GRIN3A: variants seen among roughly 807,000 people sequenced by gnomAD.
The protein encoded by GRIN3A is glutamate ionotropic receptor NMDA type subunit 3A, also known as glutamate receptor ionotropic, NMDA 3A.
In GRIN3A, 47 loss-of-function variants were observed where a neutral mutation model predicts 92.4. The observed-to-expected ratio is 0.51, with a 90% CI of 0.40 to 0.65. The LOEUF (loss-of-function observed/expected upper bound fraction) is 0.65, where lower values mean the gene tolerates loss of function less well. Ranked by LOEUF, GRIN3A falls within the 30% of genes least tolerant of loss-of-function variation. The probability of loss-of-function intolerance (pLI) is 0.00; values close to 1 mark genes in which losing one functional copy is unlikely to be tolerated. For synonymous variants in GRIN3A, 527 were observed against 540.6 expected (o/e 0.97, Z 0.35); for missense variants, 1,324 against 1,393.1 (o/e 0.95, Z 0.79).
chr9:101,595,766 C>T (rs1828118748), intron 6 of GRIN3A, among the ~76,000 whole-genome samples: 1 of 152,196 alleles, frequency 6.6e-6, no homozygotes, highest in African/African-American at 2.4e-5. Context: ...TTACTCTGTT[C>T]CCTCTTATCC....
intron 6 of GRIN3A, among the ~76,000 whole-genome samples, chr9:101,599,482 G>C (rs1828183423): frequency 6.6e-6 from 1 of 152,064 alleles, no homozygotes; most frequent in South Asian, 2.1e-4. Context: ...GATTTTCTCT[G>C]TAAATGATTC....
chr9:101,572,634 CTAA>C lies in GRIN3A; in HGVS notation c.*537_*539del, dbSNP rs1456542977. On this transcript the variant is annotated 3_prime_UTR_variant, in exon 9 of 9. Transcript: ENST00000361820. Reference sequence around the variant, plus strand: ...CAATCAATCCTTGACGTTTATGATACTAATGAGTTAATTTTTAAATACCCCACC... The same window carrying C: ...CAATCAATCCTTGACGTTTATGATACTGAGTTAATTTTTAAATACCCCACC... 4.2e-5 allele frequency: 7 copies of C among 167,734 alleles called. No individual in the cohort carries two copies. Among genetic ancestry groups the C allele is most frequent in the African/African-American group, 1.7e-4 (7 of 41,706 alleles). The allele number at this position is 167,734 out of a possible 1,614,324, so 10.4% of individuals were successfully genotyped here. A position where few individuals can be genotyped will look rare whatever the true frequency, so the allele number is the denominator to read the frequency against.
At chr9:101,582,016 A>T (rs1291067166) in intron 6 of GRIN3A, among the ~76,000 whole-genome samples, 2 of 152,246 alleles carry the variant, frequency 1.3e-5, no homozygotes, top group African/African-American at 4.8e-5. Context: ...CCAAGGTCAC[A>T]TAGCTCGTGA....
At chr9:101,651,020 T>C (rs1037854093) in intron 3 of GRIN3A, among the ~76,000 whole-genome samples, 38 of 152,024 alleles carry the variant, frequency 2.5e-4, no homozygotes, top group African/African-American at 8.9e-4. Context: ...ATTTGTTTAT[T>C]TGTGTGTATT....
chr9:101,670,659 C>T lies in GRIN3A; in HGVS notation c.1753G>A (p.Glu585Lys). ...AAGTTCATGTCTTCTGCTATCTTTT[C>T]CAGCAGATCAATGCAATATCCATAG... ...CCYGYCIDLLEKIAEDMNFDF... is the reference protein window; with the variant it reads ...CCYGYCIDLLKKIAEDMNFDF... Residue 585 changes from glutamate to lysine, a missense_variant, in exon 3 of 9, where the codon GAA becomes AAA. Coordinates refer to ENST00000361820, the MANE Select transcript of GRIN3A (RefSeq NM_133445.3). The T allele has an allele frequency of 1.2e-6, 2 of 1,613,882 alleles. No individual in the cohort carries two copies. The highest frequency in any genetic ancestry group is 1.7e-6 in the Non-Finnish European group (2 of 1,179,818).
At chr9:101,709,668 C>T (rs1021830346) in intron 1 of GRIN3A, among the ~76,000 whole-genome samples, 4 of 152,178 alleles carry the variant, frequency 2.6e-5, no homozygotes, top group Non-Finnish European at 4.4e-5. Context: ...ATAATGCCTT[C>T]CTCTCAAAGT....
intron 1 of GRIN3A, among the ~76,000 whole-genome samples, chr9:101,703,697 A>G (rs1205282938): frequency 2.0e-5 from 3 of 152,166 alleles, no homozygotes; most frequent in Non-Finnish European, 4.4e-5. Context: ...ATTAAAATTT[A>G]TCTTTCTACT....
intron 1 of GRIN3A, among the ~76,000 whole-genome samples, chr9:101,713,082 C>G (rs1220846682): frequency 2.0e-5 from 3 of 152,144 alleles, no homozygotes; most frequent in Non-Finnish European, 4.4e-5. Flanking sequence ...GACTTCCATC[C>G]CTTTCCTTCG....
At chr9:101,582,450 G>A (rs1013936101) in intron 6 of GRIN3A, among the ~76,000 whole-genome samples, 31 of 152,180 alleles carry the variant, frequency 2.0e-4, no homozygotes, top group African/African-American at 7.5e-4. Flanking sequence ...CCAGCCCTAC[G>A]AAACAAGGAA....
chr9:101,717,544 T>A (rs1180590543), intron 1 of GRIN3A, among the ~76,000 whole-genome samples: 1 of 152,208 alleles, frequency 6.6e-6, no homozygotes, highest in Non-Finnish European at 1.5e-5. Context: ...GGAATAGACT[T>A]GGCTAATCTT....
intron 3 of GRIN3A, among the ~76,000 whole-genome samples, chr9:101,643,754 C>T (rs886258137): frequency 2.0e-5 from 3 of 150,574 alleles, no homozygotes; most frequent in Non-Finnish European, 3.0e-5. Flanking sequence ...TATGACAACA[C>T]GGGTGAACTC....
chr9:101,613,401 C>G lies in GRIN3A; in HGVS notation c.2741G>C (p.Gly914Ala). Residue 914 changes from glycine (G) to alanine (A), a missense_variant, in exon 6 of 9, where the codon GGC becomes GCC. Gly to Ala is a moderately conservative substitution (Grantham distance 60). Transcript: ENST00000361820. Reference sequence around the variant, plus strand: ...CTCCGTGACAGCAAAACTTCTCTTGCCACAGGGAACCACCCTGTACCACTT... The same window carrying G: ...CTCCGTGACAGCAAAACTTCTCTTGGCACAGGGAACCACCCTGTACCACTT... ...HDKWYRVVPCGKRSFAVTETL... is the reference protein window; with the variant it reads ...HDKWYRVVPCAKRSFAVTETL... The G allele has an allele frequency of 6.2e-7, 1 of 1,614,162 alleles. No homozygotes were observed. The highest frequency in any genetic ancestry group is 1.3e-5 in the African/African-American group (1 of 75,042).
chr9:101,700,382 T>C (rs1048375623), intron 1 of GRIN3A, among the ~76,000 whole-genome samples: 1 of 152,150 alleles, frequency 6.6e-6, no homozygotes, highest in Non-Finnish European at 1.5e-5. Flanking sequence ...TGCTTTCCCA[T>C]AAAATCGTAT....
chr9:101,648,821 C>T (rs1181409096), intron 3 of GRIN3A, among the ~76,000 whole-genome samples: 1 of 151,988 alleles, frequency 6.6e-6, no homozygotes, highest in Admixed American at 6.6e-5. Flanking sequence ...TTTGAGGAGA[C>T]AGCCATCTCT....
At chr9:101,592,943 T>C (rs1186460891) in intron 6 of GRIN3A, 1 of 151,866 alleles carries the variant, frequency 6.6e-6, no homozygotes, top group Non-Finnish European at 1.5e-5. Context: ...AAGCATCTTA[T>C]ATGGGAAGTG....
At chr9:101,635,314 T>G (rs1172328144) in intron 3 of GRIN3A, among the ~76,000 whole-genome samples, 1 of 152,204 alleles carries the variant, frequency 6.6e-6, no homozygotes, top group African/African-American at 2.4e-5. Flanking sequence ...CAATCAAGTT[T>G]TATGGGAACA....
intron 3 of GRIN3A, among the ~76,000 whole-genome samples, chr9:101,643,969 G>T (rs1248309383): frequency 6.6e-6 from 1 of 151,660 alleles, no homozygotes; most frequent in African/African-American, 2.4e-5. Context: ...TATGGTGACT[G>T]TAGTTAATAA....
At chr9:101,649,590 G>A (rs1458660065) in intron 3 of GRIN3A, among the ~76,000 whole-genome samples, 1 of 152,016 alleles carries the variant, frequency 6.6e-6, no homozygotes, top group Non-Finnish European at 1.5e-5. Flanking sequence ...CTCGAGGGAA[G>A]AGTGGTGTAG....
intron 3 of GRIN3A, among the ~76,000 whole-genome samples, chr9:101,659,636 G>T (rs1486225240): frequency 6.6e-6 from 1 of 151,340 alleles, no homozygotes. Flanking sequence ...TTGCTAAGAA[G>T]GTTAATAACG....
Sources: gnomAD v4.1 joint callset for allele counts (sites outside exome capture counted in the v4.1 genomes callset) on GRCh38, gnomAD v4.1.1 for gene constraint, MANE v1.5 for transcripts, NCBI Gene and HGNC (gene_info 2026-07-23, HGNC 2026-07-21) for gene names.